The following ANKMY1 variants were observed in gnomAD, a reference collection of about 807,000 sequenced individuals.
ANKMY1 encodes the protein ankyrin repeat and MYND domain-containing protein 1.
Under a neutral mutation model 102.0 loss-of-function variants are expected in ANKMY1, and 98 were observed. That is an observed-to-expected ratio of 0.96 (90% CI 0.82 to 1.14). The LOEUF (loss-of-function observed/expected upper bound fraction) is 1.14, where lower values mean the gene tolerates loss of function less well. Among genes scored for constraint, ANKMY1 ranks in the 50% most tolerant of loss-of-function variants. ANKMY1 has a pLI of 0.00. For missense variants in ANKMY1, 1,330 were observed against 1,347.6 expected (o/e 0.99, Z 0.20); for synonymous variants, 582 against 559.9 (o/e 1.04, Z -0.56).
chr2:240,503,774 G>A (rs1015571966), intron 13 of ANKMY1, among the ~76,000 whole-genome samples: 5 of 152,190 alleles, frequency 3.3e-5, no homozygotes, highest in Admixed American at 2.0e-4. Context: ...CCTAAACCCC[G>A]GGATCTGTGA....
chr2:240,530,139 A>T (rs1575196764), intron 4 of ANKMY1, among the ~76,000 whole-genome samples: 1 of 152,306 alleles, frequency 6.6e-6, no homozygotes, highest in East Asian at 1.9e-4. Flanking sequence ...ACAGTGCAAG[A>T]GAGGAAGAAA....
chr2:240,487,291 G>A (rs1458870684), intron 15 of ANKMY1, among the ~76,000 whole-genome samples: 1 of 152,094 alleles, frequency 6.6e-6, no homozygotes, highest in African/African-American at 2.4e-5. Context: ...CCACTTGTGT[G>A]GCTACAAATG....
rs775564764 is a variant in ANKMY1, at chr2:240,532,124, A to T, written c.481-2615T>A. 4.3e-5 allele frequency: 20 copies of T among 469,370 alleles called. 1 individual carries two copies. Among genetic ancestry groups the T allele is most frequent in the South Asian group, 3.1e-4 (20 of 64,160 alleles). 29.1% of individuals were successfully genotyped at this position (469,370 alleles called of 1,614,324 possible). ...ATTTTCCAGATCCACAAATGGAAAC[A>T]TCACATTGAAACTGTAGAAAACCAA... On this transcript the variant is annotated intron_variant, in intron 4 of 17. Transcript: ENST00000401804.
In ANKMY1 at chr2:240,538,256, C is replaced by T. The variant is rs185889318; in HGVS notation, c.481-8747G>A. ...GGCTGGCCGAGGCCGGAGCCGGCTC[C>T]CTCTGCTTGCAGGGAGGTGTGGAGG... On this transcript the variant is annotated intron_variant, in intron 4 of 17. Transcript: ENST00000401804. 6.8e-3 allele frequency among the ~76,000 whole-genome samples: 1,028 copies of T among 152,220 alleles called. 13 individuals are homozygous for T. The highest frequency in any genetic ancestry group is 0.023 in the African/African-American group (973 of 41,526).
intron 15 of ANKMY1, among the ~76,000 whole-genome samples, chr2:240,498,898 G>A (rs549531368): frequency 5.9e-5 from 9 of 152,174 alleles, no homozygotes; most frequent in East Asian, 1.9e-4. Context: ...GCTCCCCTTC[G>A]CCCTCCACTG....
the ANKMY1 span, among the ~76,000 whole-genome samples, chr2:240,468,663 T>C: frequency 8.1e-4 from 124 of 152,316 alleles, no homozygotes; most frequent in African/African-American, 2.8e-3. Context: ...TTATTGAGAA[T>C]TGCAGCCAGT....
intron 9 of ANKMY1, among the ~76,000 whole-genome samples, chr2:240,519,305 G>T (rs1388390482): frequency 1.3e-5 from 2 of 152,206 alleles, no homozygotes; most frequent in African/African-American, 4.8e-5. Flanking sequence ...TTAGAGAAAT[G>T]ATTGTAGGGT....
At chr2:240,476,672 C>T (rs1391982073), downstream of ANKMY1, among the ~76,000 whole-genome samples, 1 of 152,170 alleles carries the variant, frequency 6.6e-6, no homozygotes, top group Non-Finnish European at 1.5e-5. Context: ...ATGGATTACT[C>T]GATCACGCCC....
At chr2:240,495,800 C>A (rs893196589) in intron 15 of ANKMY1, among the ~76,000 whole-genome samples, 1 of 152,114 alleles carries the variant, frequency 6.6e-6, no homozygotes. Flanking sequence ...ACTCACAGAC[C>A]CTGTAGGGCT....
At chr2:240,537,366 T>C (rs1174245919) in intron 4 of ANKMY1, among the ~76,000 whole-genome samples, 1 of 152,224 alleles carries the variant, frequency 6.6e-6, no homozygotes, top group Admixed American at 6.5e-5. Flanking sequence ...ATCCAGTCAA[T>C]AGCTCCTGTG....
intron 4 of ANKMY1, among the ~76,000 whole-genome samples, chr2:240,535,791 T>C (rs1479881464): frequency 6.6e-6 from 1 of 152,246 alleles, no homozygotes; most frequent in East Asian, 1.9e-4. Flanking sequence ...GCTGTGATCA[T>C]GCCACTGCAC....
chr2:240,559,748 T>C (rs567666433), upstream of ANKMY1, among the ~76,000 whole-genome samples: 6 of 152,352 alleles, frequency 3.9e-5, no homozygotes, highest in South Asian at 1.0e-3. Flanking sequence ...TTTGAGTCTT[T>C]AGCTCAAGAG....
the ANKMY1 span, among the ~76,000 whole-genome samples, chr2:240,473,532 C>T: frequency 6.3e-5 from 9 of 141,938 alleles, no homozygotes; most frequent in South Asian, 2.3e-4. Flanking sequence ...AAAAAGCATA[C>T]GGGACCTACG....
intron 15 of ANKMY1, among the ~76,000 whole-genome samples, chr2:240,489,129 A>C (rs955789914): frequency 3.9e-5 from 6 of 152,122 alleles, no homozygotes; most frequent in African/African-American, 1.2e-4. Flanking sequence ...TTATTATTTT[A>C]AAGTATATTC....
intron 4 of ANKMY1, among the ~76,000 whole-genome samples, chr2:240,535,344 A>G (rs1575232138): frequency 6.6e-6 from 1 of 152,234 alleles, no homozygotes; most frequent in Non-Finnish European, 1.5e-5. Context: ...ATCTGAACCC[A>G]GTTTACTTGG....
At chr2:240,473,123 T>TAAAAAAAAAAAAA in the ANKMY1 span, among the ~76,000 whole-genome samples, 8 of 108,414 alleles carry the variant, frequency 7.4e-5, no homozygotes, top group Non-Finnish European at 1.0e-4. Context: ...AAACTCTGTC[T>TAAAAAAAAAAAAA]AAAAAAAAAA....
intron 4 of ANKMY1, among the ~76,000 whole-genome samples, chr2:240,530,461 TC>T (rs1354577693): frequency 6.6e-6 from 1 of 152,016 alleles, no homozygotes; most frequent in African/African-American, 2.4e-5. Flanking sequence ...TGGCACCTCC[TC>T]CCCCACTTGC....
intron 8 of ANKMY1, chr2:240,522,119 C>CATTTTACAGAACGCTGATTGGTCA: frequency 6.6e-6 from 1 of 150,376 alleles, no homozygotes; most frequent in East Asian, 1.9e-4. Flanking sequence ...CTGATTGGTC[C>CATTTTACAGAACGCTGATTGGTCA]ATTTTACAGA....
chr2:240,554,509 GT>G (rs2092043306), intron 3 of ANKMY1: 1 of 189,458 alleles, frequency 5.3e-6, no homozygotes, highest in South Asian at 1.4e-4. Flanking sequence ...TTCTCATTTT[GT>G]CTTTTAGAAC....
Sources: gnomAD v4.1 joint callset for allele counts (sites outside exome capture counted in the v4.1 genomes callset) on GRCh38, gnomAD v4.1.1 for gene constraint, MANE v1.5 for transcripts, NCBI Gene and HGNC (gene_info 2026-07-23, HGNC 2026-07-21) for gene names.